Variants in ZZEF1 observed in about 807,000 individuals in gnomAD.
The protein encoded by ZZEF1 is zinc finger ZZ-type and EF-hand domain-containing protein 1.
Under a neutral mutation model 342.8 loss-of-function variants are expected in ZZEF1, and 157 were observed. The observed-to-expected ratio is 0.46, with a 90% CI of 0.40 to 0.52. The LOEUF (loss-of-function observed/expected upper bound fraction) is 0.52. Among genes scored for constraint, ZZEF1 ranks in the 20% least tolerant of loss-of-function variants. ZZEF1 has a pLI of 0.00. For missense variants in ZZEF1, 3,480 were observed against 3,725.6 expected, an observed-to-expected ratio of 0.93 and a Z score of 1.72; for synonymous variants, 1,505 against 1,429.1, an observed-to-expected ratio of 1.05 and a Z score of -1.20.
rs111563908 is a variant in ZZEF1, at chr17:4,014,242, A to G, written c.8315-54T>C. On this transcript the variant is annotated intron_variant, in intron 50 of 54. Coordinates refer to ENST00000381638, the MANE Select transcript of ZZEF1 (RefSeq NM_015113.4). The surrounding 1 kb of genome is among the most constrained non-coding windows in gnomAD (Gnocchi z 4.4). ...AGGAACTGAAGCAACAGGGAATGGC[A>G]GCAGTGGTGTTGGGTTTCAACATTC... 2.1e-5 allele frequency: 34 copies of G among 1,610,390 alleles called. 1 individual carries two copies. In the African/African-American group the frequency reaches 2.7e-4, roughly 13 times the overall value.
At chr17:4,083,228 TGAG>T (rs2057756935) in intron 16 of ZZEF1, among the ~76,000 whole-genome samples, 1 of 152,234 alleles carries the variant, frequency 6.6e-6, no homozygotes, top group African/African-American at 2.4e-5. Flanking sequence ...CTTCTCAGCA[TGAG>T]AAGACACCAA....
rs185088686 is a variant in ZZEF1, at chr17:4,069,295, G to A, written c.4075+1389C>T. On this transcript the variant is annotated intron_variant, in intron 26 of 54. Coordinates refer to ENST00000381638, the MANE Select transcript of ZZEF1 (RefSeq NM_015113.4). ...AAAAATACATATTGACATTCCCCCC[G>A]CCAAAACCATACAGGTTACATCACC... 1.3e-3 allele frequency among the ~76,000 whole-genome samples: 194 copies of A among 151,520 alleles called. 1 individual carries two copies. Among genetic ancestry groups the A allele is most frequent in the Non-Finnish European group, 2.5e-3 (167 of 67,904 alleles).
At position 4,014,732 on chromosome 17, in the gene ZZEF1, C is replaced by G. The variant is rs550282622; in HGVS notation, c.8146-217G>C. Among the ~76,000 whole-genome samples, 64 of 152,212 alleles carry G rather than the reference C, an allele frequency of 4.2e-4. No homozygotes were observed. Among genetic ancestry groups the G allele is most frequent in the Admixed American group, 8.5e-4 (13 of 15,288 alleles). On this transcript the variant is annotated intron_variant, in intron 49 of 54. Coordinates refer to ENST00000381638, the MANE Select transcript of ZZEF1 (RefSeq NM_015113.4). The surrounding 1 kb of genome is among the most constrained non-coding windows in gnomAD (Gnocchi z 4.4). ...CACAGCGGGGCAGGCAACACGGGGC[C>G]CCAGAGAAAGAGTGTCAGGCTGCTG...
At chr17:4,086,761 T>C (rs895458293) in intron 14 of ZZEF1, 106 bp from the exon 15 acceptor site, 2 of 1,079,012 alleles carry the variant, frequency 1.9e-6, no homozygotes, top group Non-Finnish European at 1.3e-6. Context: ...TCAGGCTCGA[T>C]GAAAATAATG....
chr17:4,081,871 T>G (rs1029275113), intron 17 of ZZEF1, among the ~76,000 whole-genome samples: 7 of 152,250 alleles, frequency 4.6e-5, no homozygotes, highest in Middle Eastern at 3.2e-3. Flanking sequence ...GCATCCTTGC[T>G]ACTTGATTCT....
chr17:4,062,008 A>T (rs574311083), intron 30 of ZZEF1, among the ~76,000 whole-genome samples: 7 of 152,252 alleles, frequency 4.6e-5, no homozygotes, highest in African/African-American at 1.7e-4. Context: ...ATAACATCGA[A>T]ATACTTTACA....
rs1380485583 is a variant in ZZEF1, at chr17:4,004,975, G to C, written c.*1915C>G. The C allele has an allele frequency of 6.6e-6, 1 of 152,376 alleles. No individual in the cohort carries two copies. Among genetic ancestry groups the C allele is most frequent in the Admixed American group, 6.5e-5 (1 of 15,292 alleles). 9.4% of individuals were successfully genotyped at this position (152,376 alleles called of 1,614,324 possible). On this transcript the variant is annotated 3_prime_UTR_variant, in exon 55 of 55. Transcript: ENST00000381638. ...TTATTTACAGCTGATCTTCCTGACGGGAGGATGGAGTACAGCGGCGGCCAC... is the reference window on the plus strand; with the variant it reads ...TTATTTACAGCTGATCTTCCTGACGCGAGGATGGAGTACAGCGGCGGCCAC...
chr17:4,099,543 ATTTTTTTT>A (rs35639314), intron 9 of ZZEF1, among the ~76,000 whole-genome samples: 1 of 131,926 alleles, frequency 7.6e-6, no homozygotes, highest in Non-Finnish European at 1.6e-5. Flanking sequence ...TTTGACTGTG[ATTTTTTTT>A]TTTTTTTTTT....
At position 4,014,487 on chromosome 17, in the gene ZZEF1, T is replaced by A. The variant is rs1461775044; in HGVS notation, c.8174A>T (p.Tyr2725Phe). 2.4e-5 allele frequency: 38 copies of A among 1,613,898 alleles called. No individual in the cohort carries two copies. Among genetic ancestry groups the A allele is most frequent in the Non-Finnish European group, 3.1e-5 (37 of 1,180,006 alleles). Residue 2725 changes from tyrosine to phenylalanine, a missense_variant, in exon 50 of 55, where the codon TAC becomes TTC. Around this residue, in one of 5 missense-constraint regions of ZZEF1, gnomAD observed 1,269 missense variants for 1,342.4 expected, o/e 0.95. Coordinates refer to ENST00000381638, the MANE Select transcript of ZZEF1 (RefSeq NM_015113.4). The surrounding 1 kb of genome is among the most constrained non-coding windows in gnomAD (Gnocchi z 4.4). ...EDKVHIPGAI[Y>F]LSIKFDSQCN... ...CTGAGAGTCGAATTTGATTGAGAGG[T>A]AGATGGCACCAGGAATGTGAACTTT...
intron 53 of ZZEF1, 174 bp from the exon 54 acceptor site, chr17:4,009,128 G>A (rs377130662): frequency 2.4e-5 from 19 of 781,414 alleles, no homozygotes; most frequent in East Asian, 1.4e-4. Flanking sequence ...GGAGCCAGGT[G>A]CCCGGTGCCG....
At chr17:4,130,691 T>A (rs1430507623) in intron 1 of ZZEF1, among the ~76,000 whole-genome samples, 4 of 151,916 alleles carry the variant, frequency 2.6e-5, no homozygotes, top group Admixed American at 6.6e-5. Context: ...ACGTCCCACA[T>A]CCAAACAAGA....
chr17:4,135,239 C>A (rs1338634541), intron 1 of ZZEF1, among the ~76,000 whole-genome samples: 2 of 152,226 alleles, frequency 1.3e-5, no homozygotes, highest in East Asian at 1.9e-4. Flanking sequence ...ACTTCGGGAG[C>A]CCAAGGCAGT....
rs151206934 is a variant in ZZEF1 at position 4,124,993 on chromosome 17, C to A, written c.355-942G>T. On this transcript the variant is annotated intron_variant, in intron 1 of 54. Coordinates refer to ENST00000381638, the MANE Select transcript of ZZEF1 (RefSeq NM_015113.4). The stretch of plus-strand genomic sequence containing the variant: ...CAGCTTCTTGATCTGAAAGATGCAG[C>A]GAATATTGTCAACCTCACAGGCTGC... Among the ~76,000 whole-genome samples, 334 of 152,286 alleles carry A rather than the reference C, an allele frequency of 2.2e-3. 1 individual carries two copies. Among genetic ancestry groups the A allele is most frequent in the African/African-American group, 7.7e-3 (322 of 41,562 alleles).
intron 37 of ZZEF1, 130 bp downstream of exon 37, chr17:4,049,578 A>G: frequency 9.7e-7 from 1 of 1,031,182 alleles, no homozygotes. Context: ...GGTTTGATGG[A>G]GCAGGCATGT....
At chr17:4,081,327 G>GC in intron 18 of ZZEF1, 49 bp downstream of exon 18, 1 of 1,472,594 alleles carries the variant, frequency 6.8e-7, no homozygotes, top group Non-Finnish European at 9.5e-7. Flanking sequence ...CACATCACGT[G>GC]CCCCCACAAG....
Position 4,036,829 on chromosome 17 carries a change from T to A in ZZEF1, c.6307-2537A>T, listed in dbSNP as rs1035193905. ...CACACACACACACACTCTCTCTCTCTCTCTCTCTCTCTCTCCCCGCACCCC... is the reference window on the plus strand; with the variant it reads ...CACACACACACACACTCTCTCTCTCACTCTCTCTCTCTCTCCCCGCACCCC... On this transcript the variant is annotated intron_variant, in intron 39 of 54. Coordinates refer to ENST00000381638, the MANE Select transcript of ZZEF1 (RefSeq NM_015113.4). Among the ~76,000 whole-genome samples, 832 of 131,710 alleles carry A rather than the reference T, an allele frequency of 6.3e-3. 7 individuals carry two copies. Among genetic ancestry groups the A allele is most frequent in the East Asian group, 0.024 (114 of 4,748 alleles). The allele number at this position is 131,710 out of a possible 152,430, so 86.4% of individuals were successfully genotyped here. A position where few individuals can be genotyped will look rare whatever the true frequency, so the allele number is the denominator to read the frequency against.
intron 1 of ZZEF1, among the ~76,000 whole-genome samples, chr17:4,126,652 C>T (rs1344744850): frequency 6.6e-6 from 1 of 152,116 alleles, no homozygotes; most frequent in Non-Finnish European, 1.5e-5. Context: ...GGTAAAAAGC[C>T]TATTTTAAAA....
At chr17:4,009,994 A>C (rs2144918177) in intron 52 of ZZEF1, among the ~76,000 whole-genome samples, 1 of 152,268 alleles carries the variant, frequency 6.6e-6, no homozygotes, top group South Asian at 2.1e-4. Flanking sequence ...AGGAGGTCGG[A>C]AATGTGCTCA....
In ZZEF1 at chr17:4,143,014, GCGGCTTC is replaced by G. The variant is rs1010748498; in HGVS notation, c.-126_-120del. The G allele has an allele frequency of 1.6e-6, 2 of 1,269,146 alleles. No individual in the cohort carries two copies. Among genetic ancestry groups the G allele is most frequent in the African/African-American group, 3.1e-5 (2 of 64,420 alleles). The allele number at this position is 1,269,146 out of a possible 1,614,324, so 78.6% of individuals were successfully genotyped here. A position where few individuals can be genotyped will look rare whatever the true frequency, so the allele number is the denominator to read the frequency against. On this transcript the variant is annotated 5_prime_UTR_variant, in exon 1 of 55. Transcript: ENST00000381638. ...CGCGGAGGAGACGACGGCGGCCCCT[GCGGCTTC>G]CGGCTTCCTGGCCGTCAAGCGACGA...
Sources: gnomAD v4.1 joint callset for allele counts (sites outside exome capture counted in the v4.1 genomes callset) on GRCh38, gnomAD v4.1.1 for gene constraint, gnomAD v4.1.1 regional missense constraint, Gnocchi (gnomAD v3.1) non-coding constraint, MANE v1.5 for transcripts, NCBI Gene and HGNC (gene_info 2026-07-23, HGNC 2026-07-21) for gene names.